The following ABTB2 variants were observed in gnomAD, a reference collection of about 807,000 sequenced individuals.
The protein encoded by ABTB2 is ankyrin repeat and BTB/POZ domain-containing protein 2.
In ABTB2, 56 loss-of-function variants were observed where a neutral mutation model predicts 104.1. That is an observed-to-expected ratio of 0.54 (90% CI 0.43 to 0.67). ABTB2 has a LOEUF of 0.67. Ranked by LOEUF, ABTB2 falls within the 30% of genes least tolerant of loss-of-function variation. The pLI, the probability that ABTB2 is intolerant of heterozygous loss-of-function variation, is 0.00. For missense variants in ABTB2, 1,279 were observed against 1,407.7 expected (o/e 0.91, Z 1.46); for synonymous variants, 606 against 608.2 (o/e 1.00, Z 0.05).
chr11:34,322,336 G>A (rs1422060951), intron 1 of ABTB2, among the ~76,000 whole-genome samples: 1 of 152,170 alleles, frequency 6.6e-6, no homozygotes, highest in African/African-American at 2.4e-5. Context: ...CGCACTTTGG[G>A]AGGTTGAGGA....
chr11:34,341,523 T>C (rs1221988550), intron 1 of ABTB2, among the ~76,000 whole-genome samples: 1 of 152,190 alleles, frequency 6.6e-6, no homozygotes. Context: ...ATGTTCTATA[T>C]CTGCATTGTC....
At chr11:34,353,120 C>T (rs186616001) in intron 1 of ABTB2, among the ~76,000 whole-genome samples, 13 of 152,296 alleles carry the variant, frequency 8.5e-5, no homozygotes, top group Non-Finnish European at 1.8e-4. Flanking sequence ...TTCAAACTCT[C>T]ATGGTGAATC....
At chr11:34,355,866 G>A (rs949925096) in intron 1 of ABTB2, among the ~76,000 whole-genome samples, 3 of 152,124 alleles carry the variant, frequency 2.0e-5, no homozygotes, top group African/African-American at 7.2e-5. Flanking sequence ...CTATCTTCAG[G>A]GAAGTGCAAC....
At chr11:34,310,667 C>T (rs971123188) in intron 1 of ABTB2, among the ~76,000 whole-genome samples, 5 of 152,132 alleles carry the variant, frequency 3.3e-5, no homozygotes, top group Non-Finnish European at 7.4e-5. Context: ...ACCTCCCTCA[C>T]CCCCCAGCAC....
chr11:34,314,042 G>A (rs541020189), intron 1 of ABTB2, among the ~76,000 whole-genome samples: 9 of 152,308 alleles, frequency 5.9e-5, no homozygotes, highest in South Asian at 4.1e-4. Flanking sequence ...TCTGGAAACC[G>A]AGGGGGCTGG....
chr11:34,337,056 C>T lies in ABTB2; in HGVS notation c.883+19645G>A, dbSNP rs112373364. On this transcript the variant is annotated intron_variant, in intron 1 of 16. Coordinates refer to ENST00000435224, the MANE Select transcript of ABTB2 (RefSeq NM_145804.3). Reference sequence around the variant, plus strand: ...CAGTCCAGCTTCATACCCACACCGTCAATCACAAGGCCCTACTGCTTCTCA... The same window carrying T: ...CAGTCCAGCTTCATACCCACACCGTTAATCACAAGGCCCTACTGCTTCTCA... Among the ~76,000 whole-genome samples, 12 of 152,282 alleles carry T rather than the reference C, an allele frequency of 7.9e-5. 1 individual carries two copies. The highest frequency in any genetic ancestry group is 2.9e-4 in the African/African-American group (12 of 41,550).
At chr11:34,238,882 T>C (rs1371027068) in intron 1 of ABTB2, among the ~76,000 whole-genome samples, 10 of 152,136 alleles carry the variant, frequency 6.6e-5, no homozygotes. Context: ...GCCTCCTGAG[T>C]AGCTGGGACT....
At chr11:34,288,316 T>C (rs7125686) in intron 1 of ABTB2, among the ~76,000 whole-genome samples, 82,004 of 152,048 alleles carry the variant, frequency 0.54, 22,756 homozygotes, top group Middle Eastern at 0.73. Context: ...TGTTCTTCTA[T>C]CCATCCTTTT....
intron 1 of ABTB2, among the ~76,000 whole-genome samples, chr11:34,233,853 C>T (rs1008620056): frequency 2.6e-5 from 4 of 151,916 alleles, no homozygotes; most frequent in African/African-American, 9.7e-5. Flanking sequence ...AATCACAAAC[C>T]GAATTTGAGA....
Position 34,172,421 on chromosome 11 carries a change from T to TGG in ABTB2, c.1397+733_1397+734insCC, listed in dbSNP as rs1852891510. Among the ~76,000 whole-genome samples, 8 of 81,182 alleles carry TGG rather than the reference T, an allele frequency of 9.9e-5. 2 individuals are homozygous for TGG. The highest frequency in any genetic ancestry group is 5.5e-4 in the East Asian group (2 of 3,658). 53.3% of individuals were successfully genotyped at this position (81,182 alleles called of 152,430 possible). A position where few individuals can be genotyped will look rare whatever the true frequency, so the allele number is the denominator to read the frequency against. On this transcript the variant is annotated intron_variant, in intron 4 of 16. Transcript: ENST00000435224. ...ATATATATATATATATATATATATGTGTGTGTGTGTGTGTATATAGATAGA... is the reference window on the plus strand; with the variant it reads ...ATATATATATATATATATATATATGTGGGTGTGTGTGTGTGTATATAGATAGA...
chr11:34,320,953 TG>T (rs1854994057), intron 1 of ABTB2, among the ~76,000 whole-genome samples: 1 of 152,146 alleles, frequency 6.6e-6, no homozygotes, highest in Non-Finnish European at 1.5e-5. Context: ...GAGGCTGAGG[TG>T]GGTGGATCAC....
chr11:34,328,465 T>C (rs1002683237), intron 1 of ABTB2, among the ~76,000 whole-genome samples: 2 of 152,094 alleles, frequency 1.3e-5, no homozygotes, highest in East Asian at 3.8e-4. Flanking sequence ...CCTCTGAAAA[T>C]TGAGGAGAAC....
In ABTB2 at chr11:34,154,494, A is replaced by G; in HGVS notation, c.2767-116T>C. 2 of 871,980 alleles carry G rather than the reference A, an allele frequency of 2.3e-6. No individual in the cohort carries two copies. Among genetic ancestry groups the G allele is most frequent in the South Asian group, 3.0e-5 (2 of 65,784 alleles). 54.0% of individuals were successfully genotyped at this position (871,980 alleles called of 1,614,324 possible). On this transcript the variant is annotated intron_variant, in intron 15 of 16. Coordinates refer to ENST00000435224, the MANE Select transcript of ABTB2 (RefSeq NM_145804.3). This position sits in a 1 kb window ranked among gnomAD's most constrained non-coding sequence, Gnocchi z 4.9. ...CCTGCTGCCTCCACCCTCAGGCCCC[A>G]CTACCTTCTGATACTCCTGGGCCTA...
At chr11:34,271,739 A>G (rs1403114382) in intron 1 of ABTB2, among the ~76,000 whole-genome samples, 1 of 64,996 alleles carries the variant, frequency 1.5e-5, no homozygotes, top group African/African-American at 8.2e-5. Context: ...TCTCAAATAC[A>G]TACATACATA....
chr11:34,224,872 CG>C (rs909597518), intron 1 of ABTB2, among the ~76,000 whole-genome samples: 1 of 152,142 alleles, frequency 6.6e-6, no homozygotes, highest in Non-Finnish European at 1.5e-5. Context: ...TCTTTTTTAA[CG>C]AGGCTTTTGG....
At chr11:34,286,143 C>CA (rs1203328069) in intron 1 of ABTB2, among the ~76,000 whole-genome samples, 5,691 of 140,590 alleles carry the variant, frequency 0.04, 322 homozygotes, top group African/African-American at 0.13. Flanking sequence ...GACCCTGTCT[C>CA]AAAAAAAAAA....
At chr11:34,264,164 T>A (rs1565154222) in intron 1 of ABTB2, among the ~76,000 whole-genome samples, 1 of 152,192 alleles carries the variant, frequency 6.6e-6, no homozygotes, top group Non-Finnish European at 1.5e-5. Context: ...CATCTGATCT[T>A]CTAGAAGCAG....
rs141640351 is a variant in ABTB2, at chr11:34,216,464, T to C, written c.884-11774A>G. 3.0e-3 allele frequency among the ~76,000 whole-genome samples: 457 copies of C among 152,258 alleles called. 4 individuals carry two copies. The highest frequency in any genetic ancestry group is 0.014 in the Middle Eastern group (4 of 292). ...GGCTTCCTTTACTTAGAAATATACA[T>C]TCAAGGCCGGGTGCAGTGGCTCACA... On this transcript the variant is annotated intron_variant, in intron 1 of 16. Transcript: ENST00000435224.
At chr11:34,307,217 A>G (rs578250187) in intron 1 of ABTB2, among the ~76,000 whole-genome samples, 9 of 152,108 alleles carry the variant, frequency 5.9e-5, no homozygotes, top group Non-Finnish European at 1.3e-4. Flanking sequence ...GTTCAACAGC[A>G]ACCAATGCTC....
Sources: gnomAD v4.1 joint callset for allele counts (sites outside exome capture counted in the v4.1 genomes callset) on GRCh38, gnomAD v4.1.1 for gene constraint, Gnocchi (gnomAD v3.1) non-coding constraint, MANE v1.5 for transcripts, NCBI Gene and HGNC (gene_info 2026-07-23, HGNC 2026-07-21) for gene names.